Variants in R3HCC1L observed in about 807,000 individuals in gnomAD.
R3HCC1L encodes coiled-coil domain-containing protein R3HCC1L.
In R3HCC1L, 51 loss-of-function variants were observed where a neutral mutation model predicts 59.9. The observed-to-expected ratio is 0.85, with a 90% CI of 0.68 to 1.07. R3HCC1L has a LOEUF of 1.07. R3HCC1L is among the 50% of genes least tolerant of loss of function. R3HCC1L has a pLI of 0.00. For synonymous variants in R3HCC1L, 322 were observed against 315.2 expected (o/e 1.02, Z -0.23); for missense variants, 965 against 933.0 (o/e 1.03, Z -0.45).
chr10:98,209,826 C>T lies in R3HCC1L; in HGVS notation c.1712C>T (p.Thr571Ile). 1 of 1,613,838 alleles carries T rather than the reference C, an allele frequency of 6.2e-7. No homozygotes were observed. Among genetic ancestry groups the T allele is most frequent in the Non-Finnish European group, 8.5e-7 (1 of 1,179,800 alleles). Residue 571 changes from threonine (T) to isoleucine (I), a missense_variant, in exon 5 of 10, where the codon ACT becomes ATT. Transcript: ENST00000298999. ...GAAACTTCTCACACAGAGGGAATTA[C>T]TGCCATTGAGGAGAGCTGGGAGTCT... ...ATETSHTEGI[T>I]AIEESWESMF... is the part of the protein sequence containing the mutation.
intron 1 of R3HCC1L, among the ~76,000 whole-genome samples, chr10:98,139,850 CTTTTT>C (rs563529648): frequency 4.1e-5 from 6 of 147,972 alleles, no homozygotes; most frequent in African/African-American, 1.5e-4. Context: ...CTTCTTGTAT[CTTTTT>C]TTTTAATGCC....
At chr10:98,166,769 G>A (rs1015714306) in intron 4 of R3HCC1L, among the ~76,000 whole-genome samples, 6 of 152,088 alleles carry the variant, frequency 3.9e-5, no homozygotes, top group Non-Finnish European at 7.4e-5. Context: ...AGGTTCAAGC[G>A]ATTCTCCTGC....
intron 4 of R3HCC1L, among the ~76,000 whole-genome samples, chr10:98,166,858 G>C (rs1446288934): frequency 2.0e-5 from 3 of 151,928 alleles, no homozygotes; most frequent in African/African-American, 7.3e-5. Flanking sequence ...GTAGAAATGG[G>C]GTTTCACCGT....
intron 1 of R3HCC1L, among the ~76,000 whole-genome samples, chr10:98,145,151 A>G (rs1022934297): frequency 1.3e-5 from 2 of 152,254 alleles, no homozygotes; most frequent in African/African-American, 4.8e-5. Context: ...AGAGTCATAT[A>G]ATGAAAACAG....
At chr10:98,161,570 T>C (rs1281377071) in intron 2 of R3HCC1L, among the ~76,000 whole-genome samples, 1 of 152,186 alleles carries the variant, frequency 6.6e-6, no homozygotes, top group South Asian at 2.1e-4. Flanking sequence ...CTTGGACCCA[T>C]GGTAAATAAC....
Position 98,150,956 on chromosome 10 carries a change from G to A in R3HCC1L, c.-267-5137G>A, listed in dbSNP as rs574883561. 2.2e-3 allele frequency among the ~76,000 whole-genome samples: 333 copies of A among 152,160 alleles called. 2 individuals carry two copies. The highest frequency in any genetic ancestry group is 0.019 in the South Asian group (90 of 4,804). ...GTTGTCCACCTTATTCTCTTTTTCC[G>A]GTGTAGTGATTGTGAGTCGGGGGGA... On this transcript the variant is annotated intron_variant, in intron 1 of 9. Transcript: ENST00000298999.
chr10:98,198,254 A>G (rs1442746943), intron 4 of R3HCC1L, among the ~76,000 whole-genome samples: 1 of 152,096 alleles, frequency 6.6e-6, no homozygotes, highest in African/African-American at 2.4e-5. Flanking sequence ...GTGCCCAGAA[A>G]TCTTATGATT....
At chr10:98,181,884 A>G (rs1366988717) in intron 4 of R3HCC1L, among the ~76,000 whole-genome samples, 1 of 152,118 alleles carries the variant, frequency 6.6e-6, no homozygotes, top group Non-Finnish European at 1.5e-5. Context: ...GGTCTTCTCT[A>G]TACTGTTTAT....
At chr10:98,204,553 A>G (rs999002780) in intron 4 of R3HCC1L, among the ~76,000 whole-genome samples, 9 of 152,226 alleles carry the variant, frequency 5.9e-5, no homozygotes, top group Non-Finnish European at 1.3e-4. Flanking sequence ...CTATAGTTGC[A>G]AAAGAAATTC....
intron 9 of R3HCC1L, among the ~76,000 whole-genome samples, chr10:98,238,626 T>C (rs572518761): frequency 1.3e-5 from 2 of 152,270 alleles, no homozygotes; most frequent in South Asian, 4.2e-4. Context: ...GTCACCCAGC[T>C]GGTAAACTGA....
intron 4 of R3HCC1L, among the ~76,000 whole-genome samples, chr10:98,203,798 G>A (rs1852311349): frequency 6.6e-6 from 1 of 152,204 alleles, no homozygotes; most frequent in African/African-American, 2.4e-5. Flanking sequence ...TCAGGGAGCC[G>A]TGGAAACTGT....
rs1238082669 is a variant in R3HCC1L at position 98,152,959 on chromosome 10, CCACCCAGCCAGCCGCCCT to C, written c.-267-3133_-267-3116del. Among the ~76,000 whole-genome samples the C allele has an allele frequency of 1.3e-4, 20 of 149,776 alleles. No homozygotes were observed. In the South Asian group the frequency reaches 2.3e-3, roughly 17 times the overall value. ...CGGGAGAGAGGTGGGGGGTCAGCCC[CCACCCAGCCAGCCGCCCT>C]GTCCGGGAGGGAGGTGGGGGCCCGC... On this transcript the variant is annotated intron_variant, in intron 1 of 9. Coordinates refer to ENST00000298999, the MANE Select transcript of R3HCC1L (RefSeq NM_001351015.2).
intron 1 of R3HCC1L, among the ~76,000 whole-genome samples, chr10:98,149,846 T>G (rs1360023912): frequency 6.6e-6 from 1 of 152,226 alleles, no homozygotes. Context: ...AGTGTGTAGT[T>G]TAACTCTGAT....
At chr10:98,151,676 G>A (rs1203197462) in intron 1 of R3HCC1L, among the ~76,000 whole-genome samples, 1 of 152,114 alleles carries the variant, frequency 6.6e-6, no homozygotes, top group Non-Finnish European at 1.5e-5. Flanking sequence ...TTAGAGAAGA[G>A]CAGAAAAGAC....
chr10:98,184,699 G>A (rs1213792258), intron 4 of R3HCC1L, among the ~76,000 whole-genome samples: 3 of 152,176 alleles, frequency 2.0e-5, no homozygotes. Context: ...TTTTGTGTTG[G>A]ATTTTTCCAG....
At chr10:98,140,460 T>C (rs1000507014) in intron 1 of R3HCC1L, among the ~76,000 whole-genome samples, 2 of 151,156 alleles carry the variant, frequency 1.3e-5, no homozygotes, top group African/African-American at 4.9e-5. Flanking sequence ...GAGAGGAGGG[T>C]CAGTCAGAGA....
intron 5 of R3HCC1L, among the ~76,000 whole-genome samples, chr10:98,210,960 C>A (rs545942854): frequency 6.6e-6 from 1 of 152,308 alleles, no homozygotes; most frequent in African/African-American, 2.4e-5. Context: ...AACTGACTTT[C>A]CAATACCAAG....
chr10:98,225,681 C>G (rs750329859), intron 5 of R3HCC1L, among the ~76,000 whole-genome samples: 7 of 152,032 alleles, frequency 4.6e-5, no homozygotes, highest in Admixed American at 1.3e-4. Flanking sequence ...ATGTTTTTTG[C>G]TATTATTAAC....
At chr10:98,142,106 A>C (rs1845200106) in intron 1 of R3HCC1L, among the ~76,000 whole-genome samples, 1 of 152,160 alleles carries the variant, frequency 6.6e-6, no homozygotes, top group Admixed American at 6.5e-5. Context: ...AGCAATTTTA[A>C]ATTATTTTCT....
Sources: gnomAD v4.1 joint callset for allele counts (sites outside exome capture counted in the v4.1 genomes callset) on GRCh38, gnomAD v4.1.1 for gene constraint, MANE v1.5 for transcripts, NCBI Gene and HGNC (gene_info 2026-07-23, HGNC 2026-07-21) for gene names.